Variants in POLR2M observed in about 807,000 individuals in gnomAD.
POLR2M encodes the protein protein GRINL1A.
A neutral mutation model predicts 34.6 loss-of-function variants in POLR2M; 30 were observed. The ratio of observed to expected loss-of-function variants is 0.87; its 90% confidence interval spans 0.65 to 1.18. The LOEUF (loss-of-function observed/expected upper bound fraction) is 1.18, where lower values mean the gene tolerates loss of function less well. Ranked by LOEUF, POLR2M falls within the 50% of genes most tolerant of loss-of-function variation. POLR2M has a pLI of 0.00. For synonymous variants in POLR2M, 150 were observed against 166.7 expected (o/e 0.90, Z 0.77); for missense variants, 432 against 448.7 (o/e 0.96, Z 0.34).
chr15:57,710,975 C>T (rs912701979), intron 2 of POLR2M, among the ~76,000 whole-genome samples: 38 of 152,126 alleles, frequency 2.5e-4, no homozygotes, highest in African/African-American at 8.7e-4. Flanking sequence ...GACCCCTGTG[C>T]ACCTCTATCC....
chr15:57,714,660 G>T lies in POLR2M; in HGVS notation c.1088G>T (p.Trp363Leu), dbSNP rs1425735384. Residue 363 changes from tryptophan (W) to leucine (L), a missense_variant, in exon 4 of 4, where the codon TGG (tryptophan) becomes TTG (leucine). By Grantham distance (61) the Trp-to-Leu change is moderately conservative. Transcript: ENST00000299638. ...GAAGTAAGGGATGAAGATGACGATT[G>T]GTCCTCTGATGAATTCTGAAGATAA... ...YREVRDEDDD[W>L]SSDEF 4 of 1,611,392 alleles carry T rather than the reference G, an allele frequency of 2.5e-6. No homozygotes were observed. Among genetic ancestry groups the T allele is most frequent in the Non-Finnish European group, 3.4e-6 (4 of 1,179,646 alleles).
rs1158723791 is a variant in POLR2M at position 57,714,741 on chromosome 15, G to A, written c.*62G>A. 1.3e-6 allele frequency: 2 copies of A among 1,576,750 alleles called. No individual in the cohort carries two copies. Among genetic ancestry groups the A allele is most frequent in the African/African-American group, 1.4e-5 (1 of 72,812 alleles). ...CATCTTACATCAGACTTTCTAACTAGTATCAAGATCAGTGTCAGATATTGT... is the reference window on the plus strand; with the variant it reads ...CATCTTACATCAGACTTTCTAACTAATATCAAGATCAGTGTCAGATATTGT... On this transcript the variant is annotated 3_prime_UTR_variant, in exon 4 of 4. Coordinates refer to ENST00000299638, the MANE Select transcript of POLR2M (RefSeq NM_015532.5).
intron 3 of POLR2M, among the ~76,000 whole-genome samples, chr15:57,714,173 A>G (rs959350713): frequency 1.3e-5 from 2 of 152,094 alleles, no homozygotes; most frequent in African/African-American, 2.4e-5. Context: ...TTGACATTTG[A>G]TAGGTCAAAT....
chr15:57,707,506 A>C (rs956506556), intron 1 of POLR2M: 14 of 491,454 alleles, frequency 2.8e-5, no homozygotes, highest in Non-Finnish European at 5.6e-5. Context: ...GATGGTTTGA[A>C]GGAATAAAAA....
chr15:57,709,230 A>T lies in POLR2M; in HGVS notation c.630A>T (p.Glu210Asp). 2 of 1,614,252 alleles carry T rather than the reference A, an allele frequency of 1.2e-6. No individual in the cohort carries two copies. The highest frequency in any genetic ancestry group is 1.7e-6 in the Non-Finnish European group (2 of 1,180,046). Residue 210 changes from glutamate (E) to aspartate (D), a missense_variant, in exon 2 of 4, where the codon GAA (glutamate) becomes GAT (aspartate). Coordinates refer to ENST00000299638, the MANE Select transcript of POLR2M (RefSeq NM_015532.5). The stretch of plus-strand genomic sequence containing the variant: ...CGGACCAAGGTGAACAACAGTCAGA[A>T]GAAAACGCAAGTACTAAGAACTTGA... The part of the protein sequence containing the change: ...TIADQGEQQS[E>D]ENASTKNLTG...
chr15:57,710,826 CAGGT>C (rs1280130275), intron 2 of POLR2M, among the ~76,000 whole-genome samples: 2 of 152,072 alleles, frequency 1.3e-5, no homozygotes, highest in African/African-American at 4.8e-5. Context: ...AGGCCATAGA[CAGGT>C]AGGGATTGAG....
rs1459660124 is a variant in POLR2M, at chr15:57,707,497, A to G, written c.113+542A>G. On this transcript the variant is annotated intron_variant, in intron 1 of 3. Coordinates refer to ENST00000299638, the MANE Select transcript of POLR2M (RefSeq NM_015532.5). ...TTTGTTCAGCAGCTTGTTGCAAAAG[A>G]TGGTTTGAAGGAATAAAAAGCAGAA... 8 of 505,658 alleles carry G rather than the reference A, an allele frequency of 1.6e-5. No individual in the cohort carries two copies. In the East Asian group the frequency reaches 2.2e-4, roughly 14 times the overall value. The allele number at this position is 505,658 out of a possible 1,614,324, so 31.3% of individuals were successfully genotyped here. A position where few individuals can be genotyped will look rare whatever the true frequency, so the allele number is the denominator to read the frequency against.
At chr15:57,711,504 G>T (rs992493649) in intron 2 of POLR2M, among the ~76,000 whole-genome samples, 1 of 152,146 alleles carries the variant, frequency 6.6e-6, no homozygotes, top group Non-Finnish European at 1.5e-5. Context: ...CCCTTGCTGG[G>T]ATGCACTTCT....
chr15:57,715,446 T>A lies in POLR2M; in HGVS notation c.*767T>A, dbSNP rs2040904105. On this transcript the variant is annotated 3_prime_UTR_variant, in exon 4 of 4. Coordinates refer to ENST00000299638, the MANE Select transcript of POLR2M (RefSeq NM_015532.5). The stretch of plus-strand genomic sequence containing the variant: ...GGAGGTCTTTTTAAATAACCTCATG[T>A]TACTTCAGGCAAATCTGGTACAGGA... 1 of 152,080 alleles carries A rather than the reference T, an allele frequency of 6.6e-6. No homozygotes were observed. The highest frequency in any genetic ancestry group is 1.5e-5 in the Non-Finnish European group (1 of 68,008). The allele number at this position is 152,080 out of a possible 1,614,324, so 9.4% of individuals were successfully genotyped here. A position where few individuals can be genotyped will look rare whatever the true frequency, so the allele number is the denominator to read the frequency against.
At chr15:57,712,266 G>A in intron 3 of POLR2M, 78 bp downstream of exon 3, 1 of 1,518,876 alleles carries the variant, frequency 6.6e-7, no homozygotes, top group Non-Finnish European at 9.0e-7. Context: ...GGTTCAAGGA[G>A]GAAGGAATGG....
At chr15:57,710,864 T>A (rs771017693) in intron 2 of POLR2M, among the ~76,000 whole-genome samples, 11 of 152,146 alleles carry the variant, frequency 7.2e-5, no homozygotes, top group Admixed American at 2.6e-4. Context: ...AGAGGTGGCT[T>A]GGAGGTTGGA....
rs1416001280 is a variant in POLR2M, at chr15:57,715,752, C to T, written c.*1073C>T. 1.3e-5 allele frequency: 2 copies of T among 152,180 alleles called. No homozygotes were observed. The highest frequency in any genetic ancestry group is 4.8e-5 in the African/African-American group (2 of 41,442). 9.4% of individuals were successfully genotyped at this position (152,180 alleles called of 1,614,324 possible). On this transcript the variant is annotated 3_prime_UTR_variant, in exon 4 of 4. Transcript: ENST00000299638. ...CTTACATTATCAAAAAATTCTTTGTCTAATATATTGGAGTCTTTAAAAGTG... is the reference window on the plus strand; with the variant it reads ...CTTACATTATCAAAAAATTCTTTGTTTAATATATTGGAGTCTTTAAAAGTG...
chr15:57,714,393 G>A, intron 3 of POLR2M, 143 bp from the exon 4 acceptor site: 1 of 1,373,424 alleles, frequency 7.3e-7, no homozygotes, highest in Non-Finnish European at 9.9e-7. Context: ...ATAGGGCACA[G>A]CCATCAGGCT....
intron 3 of POLR2M, among the ~76,000 whole-genome samples, chr15:57,713,821 T>TTC (rs1491205976): frequency 5.2e-4 from 2 of 3,812 alleles, no homozygotes; most frequent in African/African-American, 1.3e-3. Context: ...TTAGTCCTTC[T>TTC]TTTTTTTTTT....
In POLR2M at chr15:57,708,841, G is replaced by T. The variant is rs765439386; in HGVS notation, c.241G>T (p.Asp81Tyr). Residue 81 changes from aspartate (D) to tyrosine (Y), a missense_variant, in exon 2 of 4, where the codon GAC becomes TAC. Asp to Tyr is a radical substitution (Grantham distance 160). Transcript: ENST00000299638. ...KSELFNPVSLDCKLRQKAIAE... is the reference protein window; with the variant it reads ...KSELFNPVSLYCKLRQKAIAE... ...TGAACTGTTTAACCCTGTTAGTTTA[G>T]ACTGTAAGCTAAGGCAAAAAGCAAT... The T allele has an allele frequency of 6.2e-7, 1 of 1,613,984 alleles. No individual in the cohort carries two copies. Among genetic ancestry groups the T allele is most frequent in the Non-Finnish European group, 8.5e-7 (1 of 1,179,882 alleles).
intron 1 of POLR2M, 58 bp downstream of exon 1, chr15:57,707,013 G>GCT: frequency 2.6e-6 from 4 of 1,552,076 alleles, no homozygotes; most frequent in Non-Finnish European, 3.5e-6. Context: ...CTCCCTGGGC[G>GCT]CTCCCCTCCC....
In POLR2M at chr15:57,708,716, A is replaced by G. The variant is rs764271459; in HGVS notation, c.116A>G (p.Lys39Arg). The G allele has an allele frequency of 6.3e-7, 1 of 1,575,138 alleles. No individual in the cohort carries two copies. The highest frequency in any genetic ancestry group is 8.6e-7 in the Non-Finnish European group (1 of 1,164,722). ...KRQERLLRNEKFICKLPDKGK... is the reference protein window; with the variant it reads ...KRQERLLRNERFICKLPDKGK... ...TAGTATTCTTTTCCATTTGACAGAA[A>G]ATTCATTTGCAAATTGCCCGACAAA... Residue 39 changes from lysine to arginine, a missense_variant and splice_region_variant, in exon 2 of 4, where the codon AAA (lysine) becomes AGA (arginine). Physicochemically the swap from Lys to Arg is conservative, Grantham distance 26 (BLOSUM62 2). Transcript: ENST00000299638.
At chr15:57,713,665 T>C (rs2140837247) in intron 3 of POLR2M, among the ~76,000 whole-genome samples, 1 of 152,258 alleles carries the variant, frequency 6.6e-6, no homozygotes, top group Admixed American at 6.5e-5. Flanking sequence ...CTAGTTGCTG[T>C]AGGACTTTAT....
At position 57,713,820 on chromosome 15, in the gene POLR2M, C is replaced by CTT. The variant is rs869161314; in HGVS notation, c.964-678_964-677dup. 2.1e-4 allele frequency among the ~76,000 whole-genome samples: 14 copies of CTT among 65,640 alleles called. 2 individuals are homozygous for CTT. The highest frequency in any genetic ancestry group is 1.3e-3 in the East Asian group (2 of 1,548). 43.1% of individuals were successfully genotyped at this position (65,640 alleles called of 152,430 possible). On this transcript the variant is annotated intron_variant, in intron 3 of 3. Coordinates refer to ENST00000299638, the MANE Select transcript of POLR2M (RefSeq NM_015532.5). ...AGAAATCTAGACAGCATTAGTCCTTCTTTTTTTTTTTTTTTTTTTTTTTTT... is the reference window on the plus strand; with the variant it reads ...AGAAATCTAGACAGCATTAGTCCTTCTTTTTTTTTTTTTTTTTTTTTTTTTTT...
Sources: allele counts gnomAD v4.1 joint callset (sites outside exome capture counted in the v4.1 genomes callset), GRCh38; gene constraint gnomAD v4.1.1; transcripts MANE v1.5; gene names NCBI Gene and HGNC (gene_info 2026-07-23, HGNC 2026-07-21).